The following OPA1 variants were observed in gnomAD, a reference collection of about 807,000 sequenced individuals.
OPA1 encodes dynamin-like GTPase OPA1, mitochondrial.
OPA1 carries 59 observed loss-of-function variants against 152.9 expected under a neutral mutation model. The ratio of observed to expected loss-of-function variants is 0.39; its 90% CI spans 0.31 to 0.48. The LOEUF is 0.48. Among genes scored for constraint, OPA1 ranks in the 20% least tolerant of loss-of-function variants. OPA1 has a pLI of 0.96. For synonymous variants in OPA1, 400 were observed against 389.9 expected (o/e 1.03, Z -0.31); for missense variants, 1,008 against 1,216.8 (o/e 0.83, Z 2.55).
chr3:193,643,225 T>C, intron 13 of OPA1, 148 bp from the exon 14 acceptor site: 3 of 868,394 alleles, frequency 3.5e-6, no homozygotes, highest in Non-Finnish European at 5.6e-6. Flanking sequence ...ATAATTACTT[T>C]TAGGATCAGA....
At chr3:193,693,880 C>G (rs891402224) in intron 30 of OPA1, among the ~76,000 whole-genome samples, 4 of 152,228 alleles carry the variant, frequency 2.6e-5, no homozygotes, top group African/African-American at 9.7e-5. Context: ...TTGATCTCCC[C>G]TTTAGCACCA....
rs980644105 is a variant in OPA1 at position 193,665,090 on chromosome 3, C to G, written c.2778+94C>G. 8 of 729,716 alleles carry G rather than the reference C, an allele frequency of 1.1e-5. No individual in the cohort carries two copies. The African/African-American group carries it at 1.4e-4, about 13-fold the overall frequency. 45.2% of individuals were successfully genotyped at this position (729,716 alleles called of 1,614,324 possible). On this transcript the variant is annotated intron_variant, in intron 27 of 30. Transcript: ENST00000361510. The stretch of plus-strand genomic sequence containing the variant: ...TTTAGCTTAAGCATTAATTTTAAGT[C>G]CTTTGATCATCTGGGGAAAAAAAGT...
intron 29 of OPA1, among the ~76,000 whole-genome samples, chr3:193,681,803 C>G (rs945639801): frequency 3.9e-5 from 6 of 152,310 alleles, no homozygotes; most frequent in African/African-American, 1.4e-4. Context: ...CCATATTAGT[C>G]AGTGACCTTA....
chr3:193,611,532 G>A lies in OPA1; in HGVS notation c.33-3191G>A, dbSNP rs541199229. On this transcript the variant is annotated intron_variant, in intron 1 of 30. Transcript: ENST00000361510. ...GAATTGCTTGAACCTGGGAGGCAGA[G>A]GTTGCAGTGAGCCGAGATTGCGCCA... 3.4e-3 allele frequency among the ~76,000 whole-genome samples: 519 copies of A among 150,574 alleles called. 5 individuals are homozygous for A. Among genetic ancestry groups the A allele is most frequent in the African/African-American group, 0.012 (480 of 40,720 alleles).
chr3:193,676,430 C>T (rs1219784477), intron 29 of OPA1, among the ~76,000 whole-genome samples: 1 of 152,068 alleles, frequency 6.6e-6, no homozygotes, highest in Non-Finnish European at 1.5e-5. Flanking sequence ...ATTATTTTTA[C>T]CTTGAGTCTG....
In OPA1 at chr3:193,645,712, C is replaced by G. The variant is rs1396071120; in HGVS notation, c.1682-16C>G. The stretch of plus-strand genomic sequence containing the variant: ...GTAATTTTCTTGATGAAAATTTGAC[C>G]ATCATTCTTCCCCAGGGAACAGCTC... On this transcript the variant is annotated splice_polypyrimidine_tract_variant and intron_variant, in intron 17 of 30. Transcript: ENST00000361510. 2 of 1,612,248 alleles carry G rather than the reference C, an allele frequency of 1.2e-6. No homozygotes were observed. The highest frequency in any genetic ancestry group is 1.7e-5 in the Admixed American group (1 of 59,996).
chr3:193,644,771 C>T (rs1381631346), intron 16 of OPA1, among the ~76,000 whole-genome samples: 1 of 152,128 alleles, frequency 6.6e-6, no homozygotes, highest in Non-Finnish European at 1.5e-5. Flanking sequence ...TCATTCCTTT[C>T]ATTTCTTTCA....
At chr3:193,604,841 C>T (rs550283203) in intron 1 of OPA1, among the ~76,000 whole-genome samples, 87 of 109,422 alleles carry the variant, frequency 8.0e-4, no homozygotes, top group Middle Eastern at 6.0e-3. Flanking sequence ...GCCTGGGCAA[C>T]AAGAGTGAAA....
At chr3:193,623,550 AG>A (rs1429275068) in intron 6 of OPA1, among the ~76,000 whole-genome samples, 2 of 152,198 alleles carry the variant, frequency 1.3e-5, no homozygotes, top group African/African-American at 2.4e-5. Flanking sequence ...TGAGATCTGC[AG>A]TGTCAAACTG....
At chr3:193,651,123 T>G (rs962295273) in intron 21 of OPA1, among the ~76,000 whole-genome samples, 1 of 152,056 alleles carries the variant, frequency 6.6e-6, no homozygotes, top group Non-Finnish European at 1.5e-5. Flanking sequence ...GTAAGCAAAA[T>G]ATTGGGTTTA....
rs1460970860 is a variant in OPA1 at position 193,662,831 on chromosome 3, A to C, written c.2530A>C (p.Asn844His). The C allele has an allele frequency of 6.2e-7, 1 of 1,613,288 alleles. No individual in the cohort carries two copies. The highest frequency in any genetic ancestry group is 1.1e-5 in the South Asian group (1 of 91,048). The change falls in exon 26 of 31, where the codon AAT becomes CAT. Residue 844 changes from asparagine (N) to histidine (H), a missense_variant. Physicochemically the swap from Asn to His is moderately conservative, Grantham distance 68. Around this residue, in one of 7 missense-constraint regions of OPA1, gnomAD observed 229 missense variants for 269.0 expected, o/e 0.85. Transcript: ENST00000361510. Reference protein sequence around the residue: ...KNRTQEQCVHNETKNELEKML... With the variant: ...KNRTQEQCVHHETKNELEKML... Reference sequence around the variant, plus strand: ...TTTAAACATTTTAAAGTGTGTTCACAATGAAACCAAGAATGAATTGGAGAA... The same window carrying C: ...TTTAAACATTTTAAAGTGTGTTCACCATGAAACCAAGAATGAATTGGAGAA...
At chr3:193,640,741 T>A (rs1338198919) in intron 11 of OPA1, among the ~76,000 whole-genome samples, 1 of 152,168 alleles carries the variant, frequency 6.6e-6, no homozygotes, top group African/African-American at 2.4e-5. Context: ...ATGATTGTGT[T>A]TTGTTTTTTT....
intron 2 of OPA1, 77 bp downstream of exon 2, chr3:193,615,118 A>G: frequency 1.8e-6 from 2 of 1,129,156 alleles, no homozygotes; most frequent in Non-Finnish European, 2.7e-6. Flanking sequence ...ATTTTTGTGT[A>G]GTGGAATACA....
chr3:193,661,368 A>C (rs1214054118), intron 25 of OPA1, among the ~76,000 whole-genome samples: 1 of 152,136 alleles, frequency 6.6e-6, no homozygotes, highest in Non-Finnish European at 1.5e-5. Context: ...TTTTTTCTTC[A>C]AAAGCTAGCC....
intron 22 of OPA1, 118 bp downstream of exon 22, chr3:193,655,145 A>C: frequency 8.7e-5 from 78 of 900,602 alleles, no homozygotes; most frequent in Non-Finnish European, 1.3e-4. Flanking sequence ...TTTATATCTC[A>C]TTTATTCTTT....
chr3:193,685,234 G>A (rs528393262), intron 29 of OPA1, among the ~76,000 whole-genome samples: 11 of 151,950 alleles, frequency 7.2e-5, no homozygotes, highest in South Asian at 2.1e-4. Context: ...ACCGGGAGGC[G>A]GAGGTTGCAG....
intron 5 of OPA1, among the ~76,000 whole-genome samples, chr3:193,618,456 C>T (rs796477166): frequency 2.0e-5 from 3 of 150,268 alleles, no homozygotes; most frequent in African/African-American, 2.4e-5. Flanking sequence ...CCAGCCTGGG[C>T]GACAGAGGGA....
chr3:193,665,352 G>A (rs891855346), intron 27 of OPA1, among the ~76,000 whole-genome samples: 15 of 151,874 alleles, frequency 9.9e-5, no homozygotes, highest in African/African-American at 3.6e-4. Flanking sequence ...AACTTTTTCT[G>A]TACATAGGGA....
chr3:193,653,711 T>C (rs1055769373), intron 21 of OPA1, among the ~76,000 whole-genome samples: 2 of 152,164 alleles, frequency 1.3e-5, no homozygotes, highest in South Asian at 2.1e-4. Flanking sequence ...ATCTGATAAG[T>C]TGTCATATTT....
Sources: gnomAD v4.1 joint callset for allele counts (sites outside exome capture counted in the v4.1 genomes callset) on GRCh38, gnomAD v4.1.1 for gene constraint, gnomAD v4.1.1 regional missense constraint, MANE v1.5 for transcripts, NCBI Gene and HGNC (gene_info 2026-07-23, HGNC 2026-07-21) for gene names.